The following ZFP64 variants were observed in gnomAD, a reference collection of about 807,000 sequenced individuals.
The protein encoded by ZFP64 is ZFP64 zinc finger protein, also known as zinc finger protein 64.
Under a neutral mutation model 51.6 loss-of-function variants are expected in ZFP64, and 14 were observed. The observed-to-expected ratio is 0.27, with a 90% CI of 0.18 to 0.42. The LOEUF is 0.42. Among genes scored for constraint, ZFP64 ranks in the 10% least tolerant of loss-of-function variants. The probability of loss-of-function intolerance (pLI) is 1.00; values close to 1 mark genes in which losing one functional copy is unlikely to be tolerated. For synonymous variants in ZFP64, 375 were observed against 361.4 expected (o/e 1.04, Z -0.43); for missense variants, 754 against 906.8 (o/e 0.83, Z 2.16).
chr20:52,118,237 T>G (rs529721097), intron 5 of ZFP64, among the ~76,000 whole-genome samples: 233 of 139,214 alleles, frequency 1.7e-3, no homozygotes, highest in African/African-American at 5.8e-3. Flanking sequence ...CACCCCTTCA[T>G]GGCTTAAAAC....
chr20:52,167,822 A>G (rs1179854803), intron 2 of ZFP64, among the ~76,000 whole-genome samples: 1 of 152,150 alleles, frequency 6.6e-6, no homozygotes, highest in Non-Finnish European at 1.5e-5. Context: ...TTAAGTCAAC[A>G]CAGGCCTAAC....
intron 2 of ZFP64, among the ~76,000 whole-genome samples, chr20:52,172,566 C>T (rs1480747749): frequency 6.6e-6 from 1 of 151,884 alleles, no homozygotes; most frequent in East Asian, 1.9e-4. Context: ...GGTGAAACGC[C>T]CCACATCTGC....
intron 5 of ZFP64, chr20:52,105,203 A>C: frequency 2.1e-6 from 3 of 1,435,366 alleles, no homozygotes; most frequent in South Asian, 1.6e-5. Flanking sequence ...CTCGGAGTTG[A>C]GGTGCTGGGG....
intron 5 of ZFP64, among the ~76,000 whole-genome samples, chr20:52,135,765 A>G (rs951649126): frequency 1.3e-5 from 2 of 152,076 alleles, no homozygotes; most frequent in Admixed American, 6.5e-5. Context: ...CTGGAATTAC[A>G]GGCATGAGCC....
rs551838560 is a variant in ZFP64, at chr20:52,102,107, C to CCAAAAAAAAAAAAAA, written c.764-3521_764-3520insTTTTTTTTTTTTTTG. Among the ~76,000 whole-genome samples, 37 of 63,420 alleles carry CCAAAAAAAAAAAAAA rather than the reference C, an allele frequency of 5.8e-4. 1 individual carries two copies. The highest frequency in any genetic ancestry group is 2.4e-3 in the African/African-American group (36 of 14,722). The allele number at this position is 63,420 out of a possible 152,430, so 41.6% of individuals were successfully genotyped here. ...AGCCTGGTGAGAGTAACTCCATCTC[C>CCAAAAAAAAAAAAAA]AAAAAAAAAAAAAAAAAAGGCAGCA... On this transcript the variant is annotated intron_variant, in intron 5 of 8. Coordinates refer to the ZFP64 transcript ENST00000361387.
intron 2 of ZFP64, among the ~76,000 whole-genome samples, chr20:52,186,293 T>G (rs1350101521): frequency 6.6e-6 from 1 of 152,184 alleles, no homozygotes; most frequent in African/African-American, 2.4e-5. Flanking sequence ...GGTTTTCTTA[T>G]GCACATTTAA....
At chr20:52,166,070 C>T in intron 2 of ZFP64, 45 bp from the exon 3 acceptor site, 1 of 1,554,094 alleles carries the variant, frequency 6.4e-7, no homozygotes, top group Non-Finnish European at 8.7e-7. Context: ...TAAATGCCCG[C>T]TAGCTATGGT....
chr20:52,153,046 C>A lies in ZFP64; in HGVS notation c.1146G>T (p.Gln382His). The A allele has an allele frequency of 6.2e-7, 1 of 1,614,128 alleles. No homozygotes were observed. The highest frequency in any genetic ancestry group is 1.1e-5 in the South Asian group (1 of 91,082). Residue 382 changes from glutamine to histidine, a missense_variant, in exon 6 of 6, where the codon CAG (glutamine) becomes CAT (histidine). Around this residue, in one of 3 missense-constraint regions of ZFP64, gnomAD observed 428 missense variants for 472.4 expected, o/e 0.91. Transcript: ENST00000216923. This position sits in a 1 kb window ranked among gnomAD's most constrained non-coding sequence, Gnocchi z 5.1. ...KCNYCSFDTK[Q>H]PSNLSKHMKK... The stretch of plus-strand genomic sequence containing the variant: ...TCATGTGCTTGCTCAGGTTGCTGGG[C>A]TGTTTGGTGTCGAAGCTGCAGTAGT...
chr20:52,163,807 G>A (rs1346950956), intron 4 of ZFP64, among the ~76,000 whole-genome samples: 2 of 152,028 alleles, frequency 1.3e-5, no homozygotes, highest in Admixed American at 6.6e-5. Context: ...AAAGTCTGAA[G>A]GCAATTCCTT....
At chr20:52,098,510 T>C (rs767346088) in exon 6 of ZFP64, 9 of 1,614,072 alleles carry the variant, frequency 5.6e-6, no homozygotes, top group Admixed American at 1.7e-5. Context: ...GGAAGAGTGA[T>C]GACAGGGGCC....
At chr20:52,087,356 A>AT (rs1461502628) in intron 8 of ZFP64, among the ~76,000 whole-genome samples, 1 of 151,796 alleles carries the variant, frequency 6.6e-6, no homozygotes, top group Non-Finnish European at 1.5e-5. Flanking sequence ...CACTCACCCA[A>AT]TTTTTTTCCC....
At chr20:52,188,816 A>T (rs113216013) in intron 1 of ZFP64, among the ~76,000 whole-genome samples, 21,636 of 150,942 alleles carry the variant, frequency 0.14, 2,499 homozygotes, top group African/African-American at 0.32. Flanking sequence ...ACTAAAAATA[A>T]ACAAAAAAAA....
downstream of ZFP64, among the ~76,000 whole-genome samples, chr20:52,147,477 G>C (rs1353607872): frequency 3.3e-5 from 5 of 151,932 alleles, no homozygotes; most frequent in Non-Finnish European, 5.9e-5. Flanking sequence ...AAAGCAACAG[G>C]ACAAGAAAAC....
intron 2 of ZFP64, 38 bp downstream of exon 2, chr20:52,186,794 G>A (rs919779494): frequency 6.3e-7 from 1 of 1,577,280 alleles, no homozygotes; most frequent in Admixed American, 1.7e-5. Context: ...GACACAGCCA[G>A]GCCAATTCTG....
intron 2 of ZFP64, among the ~76,000 whole-genome samples, chr20:52,170,355 G>A (rs1982621514): frequency 6.6e-6 from 1 of 152,154 alleles, no homozygotes; most frequent in Non-Finnish European, 1.5e-5. Context: ...AGGAGGCTGA[G>A]GCAGGAGAAT....
chr20:52,156,612 A>G (rs1981343039), intron 5 of ZFP64, among the ~76,000 whole-genome samples: 2 of 152,224 alleles, frequency 1.3e-5, no homozygotes, highest in Middle Eastern at 3.2e-3. Flanking sequence ...TATTGCATCT[A>G]TTGAGGTTTT....
chr20:52,164,874 A>G (rs1164818936), intron 3 of ZFP64, 117 bp from the exon 4 acceptor site: 2 of 821,234 alleles, frequency 2.4e-6, no homozygotes, highest in East Asian at 2.6e-5. Context: ...GGTAATGGGA[A>G]AAAGAGATCT....
chr20:52,164,608 G>T, intron 4 of ZFP64, 87 bp downstream of exon 4: 1 of 1,094,758 alleles, frequency 9.1e-7, no homozygotes, highest in Non-Finnish European at 1.4e-6. Flanking sequence ...CGTTTGGAGT[G>T]GTATCATTCG....
chr20:52,086,148 T>C (rs1009209937), intron 8 of ZFP64, among the ~76,000 whole-genome samples: 2 of 152,210 alleles, frequency 1.3e-5, no homozygotes, highest in African/African-American at 2.4e-5. Flanking sequence ...AATATTTCCA[T>C]TCTGTCTGGT....
Sources: gnomAD v4.1 joint callset for allele counts (sites outside exome capture counted in the v4.1 genomes callset) on GRCh38, gnomAD v4.1.1 for gene constraint, gnomAD v4.1.1 regional missense constraint, Gnocchi (gnomAD v3.1) non-coding constraint, MANE v1.5 for transcripts, NCBI Gene and HGNC (gene_info 2026-07-23, HGNC 2026-07-21) for gene names.